ASIC2: variants seen among roughly 807,000 people sequenced by gnomAD.
ASIC2 encodes acid-sensing ion channel 2.
In ASIC2, 25 loss-of-function variants were observed where a neutral mutation model predicts 57.3. That is an observed-to-expected ratio of 0.44 (90% CI 0.32 to 0.61). ASIC2 has a LOEUF of 0.61. Ranked by LOEUF, ASIC2 falls within the 20% of genes least tolerant of loss-of-function variation. The pLI is 0.06. For synonymous variants in ASIC2, 319 were observed against 307.5 expected (o/e 1.04, Z -0.39); for missense variants, 641 against 738.1 (o/e 0.87, Z 1.52).
chr17:33,529,693 C>T (rs1359664483), intron 1 of ASIC2: 1 of 152,204 alleles, frequency 6.6e-6, no homozygotes. Flanking sequence ...AAGACAGAAT[C>T]ATTTCTGCAA....
intron 1 of ASIC2, among the ~76,000 whole-genome samples, chr17:33,518,677 C>T (rs1597761199): frequency 1.3e-5 from 2 of 152,314 alleles, no homozygotes; most frequent in Admixed American, 1.3e-4. Context: ...AAAGTGAATA[C>T]AATGTTACTG....
At chr17:33,866,659 T>A (rs550519075) in intron 1 of ASIC2, among the ~76,000 whole-genome samples, 2 of 152,196 alleles carry the variant, frequency 1.3e-5, no homozygotes, top group Non-Finnish European at 2.9e-5. Flanking sequence ...GTTGCTGCCT[T>A]GAACACACTC....
intron 1 of ASIC2, among the ~76,000 whole-genome samples, chr17:33,334,791 A>G (rs1907449606): frequency 6.6e-6 from 1 of 152,172 alleles, no homozygotes; most frequent in Middle Eastern, 3.2e-3. Flanking sequence ...TGTGTATTCC[A>G]CAGGTGATGG....
At chr17:34,155,500 T>A (rs1904681495) in intron 1 of ASIC2, 1 of 166,356 alleles carries the variant, frequency 6.0e-6, no homozygotes, top group Admixed American at 6.0e-5. Context: ...CCACACCCCC[T>A]TCTCTGACGG....
intron 1 of ASIC2, among the ~76,000 whole-genome samples, chr17:33,402,056 T>C (rs1296333585): frequency 6.6e-6 from 1 of 152,104 alleles, no homozygotes; most frequent in Non-Finnish European, 1.5e-5. Flanking sequence ...TTCTTGGAGG[T>C]CTTTGCAAGA....
At chr17:34,033,340 G>A (rs1035956006) in intron 1 of ASIC2, among the ~76,000 whole-genome samples, 1 of 152,070 alleles carries the variant, frequency 6.6e-6, no homozygotes, top group African/African-American at 2.4e-5. Context: ...CAACATACCA[G>A]AATCTCTGGG....
At chr17:33,203,138 A>C (rs994011784) in intron 1 of ASIC2, among the ~76,000 whole-genome samples, 3 of 152,194 alleles carry the variant, frequency 2.0e-5, no homozygotes, top group Admixed American at 6.5e-5. Flanking sequence ...GGCCCCTTTC[A>C]TCCTTACCCA....
chr17:33,086,716 G>T (rs2092135128), intron 3 of ASIC2, among the ~76,000 whole-genome samples: 1 of 151,986 alleles, frequency 6.6e-6, no homozygotes. Context: ...GCCTGCCTGA[G>T]AAAACTCGAG....
chr17:33,969,884 C>T (rs552247526), intron 1 of ASIC2, among the ~76,000 whole-genome samples: 3 of 152,204 alleles, frequency 2.0e-5, no homozygotes, highest in Non-Finnish European at 2.9e-5. Flanking sequence ...GCACCTGCCT[C>T]GCTAGGCCTC....
At chr17:33,261,171 C>A (rs1042771356) in intron 1 of ASIC2, among the ~76,000 whole-genome samples, 1 of 152,216 alleles carries the variant, frequency 6.6e-6, no homozygotes, top group African/African-American at 2.4e-5. Context: ...TGATTCCCAG[C>A]ATTATGCCCT....
chr17:33,799,908 G>A (rs963665121), intron 1 of ASIC2, among the ~76,000 whole-genome samples: 1 of 152,080 alleles, frequency 6.6e-6, no homozygotes, highest in African/African-American at 2.4e-5. Flanking sequence ...CAAATACTGC[G>A]GCCATGCTTT....
At chr17:33,711,487 G>T (rs1276970012) in intron 1 of ASIC2, among the ~76,000 whole-genome samples, 1 of 152,122 alleles carries the variant, frequency 6.6e-6, no homozygotes, top group Non-Finnish European at 1.5e-5. Flanking sequence ...TTTTCCCTGG[G>T]TCTGGTCAGT....
At chr17:34,012,987 C>T (rs1186658904) in intron 1 of ASIC2, among the ~76,000 whole-genome samples, 1 of 152,162 alleles carries the variant, frequency 6.6e-6, no homozygotes, top group Admixed American at 6.5e-5. Flanking sequence ...GAGGCAGCCC[C>T]CCTGCTTTGA....
chr17:33,417,005 G>A (rs1226858931), intron 1 of ASIC2, among the ~76,000 whole-genome samples: 1 of 151,648 alleles, frequency 6.6e-6, no homozygotes, highest in Non-Finnish European at 1.5e-5. Flanking sequence ...GTTCCACTTT[G>A]TTAAAGAGAG....
At chr17:33,198,965 T>G (rs1906749011) in intron 1 of ASIC2, among the ~76,000 whole-genome samples, 1 of 152,156 alleles carries the variant, frequency 6.6e-6, no homozygotes, top group African/African-American at 2.4e-5. Context: ...TGATTTAACC[T>G]TGCTATCTGT....
intron 1 of ASIC2, among the ~76,000 whole-genome samples, chr17:33,495,873 C>T (rs945353598): frequency 6.6e-6 from 1 of 152,174 alleles, no homozygotes; most frequent in Admixed American, 6.5e-5. Context: ...GAGCAGAGTT[C>T]TCAGGATGGA....
chr17:33,378,737 T>C (rs555314912), intron 1 of ASIC2, among the ~76,000 whole-genome samples: 1 of 152,384 alleles, frequency 6.6e-6, no homozygotes, highest in African/African-American at 2.4e-5. Context: ...GGATTCTTCA[T>C]ATCAGTGGAT....
chr17:33,446,972 T>C (rs2141987602), intron 1 of ASIC2, among the ~76,000 whole-genome samples: 1 of 152,276 alleles, frequency 6.6e-6, no homozygotes, highest in Admixed American at 6.5e-5. Context: ...TAGAAAAGTG[T>C]TTTATAAACT....
chr17:33,348,814 GTGGTACC>G (rs1908051584), intron 1 of ASIC2, among the ~76,000 whole-genome samples: 1 of 151,970 alleles, frequency 6.6e-6, no homozygotes, highest in East Asian at 1.9e-4. Context: ...TGGGGTTTAG[GTGGTACC>G]TTGTGCAAAA....
Sources: allele counts gnomAD v4.1 joint callset (sites outside exome capture counted in the v4.1 genomes callset), GRCh38; gene constraint gnomAD v4.1.1; transcripts MANE v1.5; gene names NCBI Gene and HGNC (gene_info 2026-07-23, HGNC 2026-07-21).